Variants in DPP4 observed in about 807,000 individuals in gnomAD.
The protein encoded by DPP4 is ADCP-2.
Under a neutral mutation model 122.4 loss-of-function variants are expected in DPP4, and 93 were observed. That is an observed-to-expected ratio of 0.76 (90% confidence interval 0.64 to 0.90). DPP4 has a LOEUF of 0.90. Ranked by LOEUF, DPP4 falls within the 40% of genes least tolerant of loss-of-function variation. DPP4 has a pLI of 0.00. For missense variants in DPP4, 914 were observed against 907.3 expected (o/e 1.01, Z -0.09); for synonymous variants, 321 against 302.9 (o/e 1.06, Z -0.62).
chr2:162,004,012 G>A (rs1701219522), intron 23 of DPP4, among the ~76,000 whole-genome samples: 1 of 152,152 alleles, frequency 6.6e-6, no homozygotes, highest in African/African-American at 2.4e-5. Flanking sequence ...TTCTGAATGG[G>A]TGGAGATGGA....
At chr2:161,993,592 C>G (rs1700919396) in intron 25 of DPP4, among the ~76,000 whole-genome samples, 1 of 152,142 alleles carries the variant, frequency 6.6e-6, no homozygotes, top group Admixed American at 6.5e-5. Flanking sequence ...TTCTGTCCTG[C>G]AGAAGTCTCT....
At chr2:162,044,148 A>G (rs1391947406) in intron 5 of DPP4, among the ~76,000 whole-genome samples, 1 of 152,224 alleles carries the variant, frequency 6.6e-6, no homozygotes, top group Admixed American at 6.5e-5. Context: ...AAGTGAATGT[A>G]TTCTATAGAT....
At chr2:162,036,028 A>G (rs570826039) in intron 8 of DPP4, among the ~76,000 whole-genome samples, 17 of 152,288 alleles carry the variant, frequency 1.1e-4, no homozygotes, top group Admixed American at 2.0e-4. Context: ...CTTCTTCTCA[A>G]TCTCTGGCAA....
chr2:162,043,325 G>A (rs1017700396), intron 5 of DPP4, among the ~76,000 whole-genome samples: 3 of 152,202 alleles, frequency 2.0e-5, no homozygotes, highest in East Asian at 3.9e-4. Flanking sequence ...GCCAGGGTTA[G>A]AGCTGGTGTT....
chr2:162,055,589 G>C (rs1684543486), intron 2 of DPP4, among the ~76,000 whole-genome samples: 1 of 151,874 alleles, frequency 6.6e-6, no homozygotes, highest in African/African-American at 2.4e-5. Context: ...CAGCTACGCA[G>C]GAAGCTGAGT....
chr2:162,012,461 C>G (rs1013971873), intron 19 of DPP4, among the ~76,000 whole-genome samples: 8 of 152,060 alleles, frequency 5.3e-5, no homozygotes, highest in Non-Finnish European at 1.2e-4. Flanking sequence ...CCCATAGCAC[C>G]CGGCACAGTC....
chr2:162,055,315 T>C (rs1390886835), intron 2 of DPP4, among the ~76,000 whole-genome samples: 1 of 152,248 alleles, frequency 6.6e-6, no homozygotes, highest in African/African-American at 2.4e-5. Context: ...AATTAGAGAA[T>C]GTCTGAAGAC....
intron 10 of DPP4, among the ~76,000 whole-genome samples, chr2:162,032,636 ATCACTGCAC>A (rs1683591510): frequency 1.3e-5 from 2 of 151,978 alleles, no homozygotes. Flanking sequence ...CCGAGATGGC[ATCACTGCAC>A]TCTAGCCTGG....
At chr2:162,013,677 C>T (rs192170362) in intron 19 of DPP4, among the ~76,000 whole-genome samples, 1 of 151,884 alleles carries the variant, frequency 6.6e-6, no homozygotes, top group Non-Finnish European at 1.5e-5. Flanking sequence ...TCGGCAGGTC[C>T]CTGCACTAGT....
Position 161,992,392 on chromosome 2 carries a change from C to G in DPP4, c.*891G>C, listed in dbSNP as rs545949601. 1 of 152,530 alleles carries G rather than the reference C, an allele frequency of 6.6e-6. No homozygotes were observed. Among genetic ancestry groups the G allele is most frequent in the East Asian group, 1.9e-4 (1 of 5,200 alleles). 9.4% of individuals were successfully genotyped at this position (152,530 alleles called of 1,614,324 possible). A position where few individuals can be genotyped will look rare whatever the true frequency, so the allele number is the denominator to read the frequency against. ...TTAAAATATTCTTTTAATTAAGACA[C>G]TCAAAGAAATGAAATAAGAAAAATT... is the stretch of plus-strand genomic sequence containing the variant. On this transcript the variant is annotated 3_prime_UTR_variant, in exon 26 of 26. Coordinates refer to ENST00000360534, the MANE Select transcript of DPP4 (RefSeq NM_001935.4).
intron 23 of DPP4, among the ~76,000 whole-genome samples, chr2:162,001,175 T>C (rs753976346): frequency 2.0e-4 from 30 of 152,348 alleles, no homozygotes; most frequent in Admixed American, 1.2e-3. Context: ...TCAGTTTGTG[T>C]GTCCGTAAAA....
Position 162,046,785 on chromosome 2 carries a change from A to G in DPP4, c.285+130T>C, listed in dbSNP as rs574926066. 7 of 720,338 alleles carry G rather than the reference A, an allele frequency of 9.7e-6. No homozygotes were observed. The African/African-American group carries it at 1.2e-4, about 13-fold the overall frequency. 44.6% of individuals were successfully genotyped at this position (720,338 alleles called of 1,614,324 possible). ...GCAGGGAGCATTTCAAGAAGGAGAGAAAGATCCACTTTGCCATATGCTGCA... is the reference window on the plus strand; with the variant it reads ...GCAGGGAGCATTTCAAGAAGGAGAGGAAGATCCACTTTGCCATATGCTGCA... On this transcript the variant is annotated intron_variant, in intron 4 of 25. Coordinates refer to ENST00000360534, the MANE Select transcript of DPP4 (RefSeq NM_001935.4).
At position 161,993,209 on chromosome 2, in the gene DPP4, G is replaced by C. The variant is rs200974580; in HGVS notation, c.*74C>G. The C allele has an allele frequency of 1.5e-4, 169 of 1,137,592 alleles. No homozygotes were observed. Among genetic ancestry groups the C allele is most frequent in the Admixed American group, 1.7e-4 (10 of 57,894 alleles). The allele number at this position is 1,137,592 out of a possible 1,614,324, so 70.5% of individuals were successfully genotyped here. A position where few individuals can be genotyped will look rare whatever the true frequency, so the allele number is the denominator to read the frequency against. On this transcript the variant is annotated 3_prime_UTR_variant, in exon 26 of 26. Transcript: ENST00000360534. ...GTATTTTAAAGATCATCATCATCTTGACAGTGCAGTTTTGAGATAATGAAA... is the reference window on the plus strand; with the variant it reads ...GTATTTTAAAGATCATCATCATCTTCACAGTGCAGTTTTGAGATAATGAAA...
intron 23 of DPP4, among the ~76,000 whole-genome samples, chr2:162,002,788 G>T (rs1225244897): frequency 2.0e-5 from 3 of 152,064 alleles, no homozygotes; most frequent in African/African-American, 7.2e-5. Flanking sequence ...TAGAATCTTT[G>T]AATGTATTCC....
chr2:162,012,306 G>C (rs1682731694), intron 19 of DPP4, among the ~76,000 whole-genome samples: 1 of 151,962 alleles, frequency 6.6e-6, no homozygotes, highest in Non-Finnish European at 1.5e-5. Flanking sequence ...TAAGAAGGGG[G>C]AGTTGTGGTA....
At chr2:162,024,109 T>C (rs1683231403) in intron 11 of DPP4, among the ~76,000 whole-genome samples, 1 of 152,062 alleles carries the variant, frequency 6.6e-6, no homozygotes, top group Admixed American at 6.5e-5. Context: ...AGGCAGAGGG[T>C]CTGTGACTAG....
In DPP4 at chr2:162,008,614, G is replaced by C. The variant is rs17848910; in HGVS notation, c.1935C>G (p.Gly645=). The C allele has an allele frequency of 6.2e-7, 1 of 1,613,388 alleles. No individual in the cohort carries two copies. The highest frequency in any genetic ancestry group is 2.2e-5 in the East Asian group (1 of 44,860). The part of the protein sequence containing the change: ...VTSMVLGSGS[G]VFKCGIAVAP... ...CCACGGCTATTCCACACTTGAACAC[G>C]CCACTTCCCGATCCCAGGACCATTG... The change falls in exon 22 of 26, where the codon GGC becomes GGG. Residue 645 remains glycine (G), a synonymous_variant. Coordinates refer to ENST00000360534, the MANE Select transcript of DPP4 (RefSeq NM_001935.4).
intron 2 of DPP4, among the ~76,000 whole-genome samples, chr2:162,053,740 G>T (rs936000796): frequency 6.6e-6 from 1 of 152,238 alleles, no homozygotes; most frequent in Admixed American, 6.5e-5. Context: ...CACTCATGTG[G>T]TGCTAATTCT....
At chr2:162,019,073 G>T (rs1291311515) in intron 15 of DPP4, 150 bp downstream of exon 15, 6 of 907,990 alleles carry the variant, frequency 6.6e-6, no homozygotes, top group Non-Finnish European at 1.1e-5. Flanking sequence ...CTCTCTTGTG[G>T]ACATGTAGAT....
Sources: allele counts gnomAD v4.1 joint callset (sites outside exome capture counted in the v4.1 genomes callset), GRCh38; gene constraint gnomAD v4.1.1; transcripts MANE v1.5; gene names NCBI Gene and HGNC (gene_info 2026-07-23, HGNC 2026-07-21).